Variants in STEAP3 observed in about 807,000 individuals in gnomAD.
STEAP3 encodes the protein metalloreductase STEAP3.
In STEAP3, 35 loss-of-function variants were observed where a neutral mutation model predicts 34.9. The ratio of observed to expected loss-of-function variants is 1.00; its 90% CI spans 0.76 to 1.33. STEAP3 has a LOEUF of 1.33. Ranked by LOEUF, STEAP3 falls within the 40% of genes most tolerant of loss-of-function variation. The pLI is 0.00. For missense variants in STEAP3, 652 were observed against 667.6 expected, an observed-to-expected ratio of 0.98 and a Z score of 0.26; for synonymous variants, 281 against 301.6, an observed-to-expected ratio of 0.93 and a Z score of 0.71.
Position 119,245,584 on chromosome 2 carries a change from A to C in STEAP3, c.118A>C (p.Lys40Gln). The C allele has an allele frequency of 6.2e-7, 1 of 1,606,838 alleles. No individual in the cohort carries two copies. The part of the protein sequence containing the change: ...SLAKVPDEAP[K>Q]VGILGSGDFA... ...TGCCAAGGTCCCCGATGAGGCCCCCAAAGTGGGCATCCTGGGTAGCGGGGA... is the reference window on the plus strand; with the variant it reads ...TGCCAAGGTCCCCGATGAGGCCCCCCAAGTGGGCATCCTGGGTAGCGGGGA... The change falls in exon 3 of 6, where the codon AAA becomes CAA. Residue 40 changes from lysine to glutamine, a missense_variant. Transcript: ENST00000393110.
At chr2:119,249,564 CT>C (rs904850321) in intron 4 of STEAP3, among the ~76,000 whole-genome samples, 7 of 152,252 alleles carry the variant, frequency 4.6e-5, no homozygotes, top group African/African-American at 1.7e-4. Flanking sequence ...CCTGCAGCTC[CT>C]GCTCCTGCTC....
At position 119,247,807 on chromosome 2, in the gene STEAP3, C is replaced by T. The variant is rs1233229191; in HGVS notation, c.651C>T (p.Arg217=). 1.9e-6 allele frequency: 3 copies of T among 1,611,968 alleles called. No individual in the cohort carries two copies. The highest frequency in any genetic ancestry group is 2.5e-6 in the Non-Finnish European group (3 of 1,179,976). ...GGGAGGTGGAGGCCATGCCCCTGCG[C>T]CTCCTCCCGGCCTGGAAGGTGCCCA... ...SAWEVEAMPL[R]LLPAWKVPTL... is the part of the protein sequence containing the mutation. Residue 217 remains arginine (R), a synonymous_variant, in exon 4 of 6, where the codon CGC becomes CGT. Transcript: ENST00000393110.
At chr2:119,242,708 A>T (rs1677284544) in intron 2 of STEAP3, among the ~76,000 whole-genome samples, 3 of 152,122 alleles carry the variant, frequency 2.0e-5, no homozygotes, top group Non-Finnish European at 4.4e-5. Flanking sequence ...CAATTGACTT[A>T]TTTACTCCTA....
intron 5 of STEAP3, among the ~76,000 whole-genome samples, chr2:119,257,179 A>G (rs559454719): frequency 6.6e-6 from 1 of 152,332 alleles, no homozygotes; most frequent in African/African-American, 2.4e-5. Flanking sequence ...TGACAAAGAA[A>G]ACAGTGGAGT....
At chr2:119,254,348 T>C (rs1677712307) in intron 4 of STEAP3, among the ~76,000 whole-genome samples, 1 of 152,062 alleles carries the variant, frequency 6.6e-6, no homozygotes, top group African/African-American at 2.4e-5. Flanking sequence ...GGGGCAGATA[T>C]GTGAAAGCCC....
intron 2 of STEAP3, among the ~76,000 whole-genome samples, chr2:119,239,880 A>G (rs1158176728): frequency 4.6e-5 from 7 of 152,188 alleles, no homozygotes; most frequent in African/African-American, 1.4e-4. Flanking sequence ...TTGCACCTAC[A>G]TTTGTTTACA....
chr2:119,248,533 C>T, intron 4 of STEAP3: 2 of 303,796 alleles, frequency 6.6e-6, no homozygotes, highest in East Asian at 1.4e-4. Flanking sequence ...GGTGGGGGTG[C>T]AGGTTTGAAG....
In STEAP3 at chr2:119,263,831, C is replaced by T; in HGVS notation, c.*493C>T. On this transcript the variant is annotated 3_prime_UTR_variant, in exon 6 of 6. Coordinates refer to ENST00000393110, the MANE Select transcript of STEAP3 (RefSeq NM_182915.3). Reference sequence around the variant, plus strand: ...GGGAAGGCAACGGCTCTGCCCAGAGCCATCCCTGGAGCATGTGAGCAGCGG... The same window carrying T: ...GGGAAGGCAACGGCTCTGCCCAGAGTCATCCCTGGAGCATGTGAGCAGCGG... 4.4e-6 allele frequency: 1 copy of T among 228,564 alleles called. No homozygotes were observed. The highest frequency in any genetic ancestry group is 5.6e-5 in the South Asian group (1 of 17,778). 14.2% of individuals were successfully genotyped at this position (228,564 alleles called of 1,614,324 possible).
chr2:119,243,459 T>C (rs1341095676), intron 2 of STEAP3, among the ~76,000 whole-genome samples: 1 of 152,196 alleles, frequency 6.6e-6, no homozygotes, highest in Non-Finnish European at 1.5e-5. Flanking sequence ...TTATTTGTGC[T>C]GCCTGAAACA....
chr2:119,242,139 T>C (rs1474541783), intron 2 of STEAP3, among the ~76,000 whole-genome samples: 1 of 151,046 alleles, frequency 6.6e-6, no homozygotes, highest in Non-Finnish European at 1.5e-5. Flanking sequence ...TGCTTAGGAG[T>C]GTTCAGCACA....
chr2:119,256,504 ATAGAT>A (rs1373691384), intron 5 of STEAP3, among the ~76,000 whole-genome samples: 13 of 152,274 alleles, frequency 8.5e-5, no homozygotes, highest in African/African-American at 3.1e-4. Flanking sequence ...TTAAGCAGCC[ATAGAT>A]TACATGCCCT....
intron 2 of STEAP3, among the ~76,000 whole-genome samples, chr2:119,231,993 C>A (rs1676955486): frequency 6.6e-6 from 1 of 152,114 alleles, no homozygotes; most frequent in Non-Finnish European, 1.5e-5. Context: ...TTCCTGGACC[C>A]CAGGCCCAGT....
Position 119,239,604 on chromosome 2 carries a change from C to A in STEAP3, c.23-5885C>A, listed in dbSNP as rs78461464. ...TCCTTGCACTCTGGGCTATCTTGGGCCCCGTTTGCTCAATGCAGGCCCCTC... is the reference window on the plus strand; with the variant it reads ...TCCTTGCACTCTGGGCTATCTTGGGACCCGTTTGCTCAATGCAGGCCCCTC... On this transcript the variant is annotated intron_variant, in intron 2 of 5. Coordinates refer to ENST00000393110, the MANE Select transcript of STEAP3 (RefSeq NM_182915.3). Among the ~76,000 whole-genome samples the A allele has an allele frequency of 5.9e-3, 897 of 152,294 alleles. 7 individuals carry two copies. Among genetic ancestry groups the A allele is most frequent in the African/African-American group, 0.021 (853 of 41,562 alleles).
At chr2:119,234,324 G>C (rs1041382537) in intron 2 of STEAP3, among the ~76,000 whole-genome samples, 16 of 152,230 alleles carry the variant, frequency 1.1e-4, no homozygotes, top group African/African-American at 3.6e-4. Flanking sequence ...AGGTCTCCCT[G>C]GAAAGCAAGA....
At chr2:119,232,953 G>A (rs574565365) in intron 2 of STEAP3, among the ~76,000 whole-genome samples, 54 of 152,266 alleles carry the variant, frequency 3.5e-4, no homozygotes, top group African/African-American at 1.2e-3. Context: ...TGCTACTTGC[G>A]GGGAAGGCAC....
intron 5 of STEAP3, among the ~76,000 whole-genome samples, chr2:119,260,557 A>G (rs1009876924): frequency 1.3e-5 from 2 of 152,078 alleles, no homozygotes; most frequent in Non-Finnish European, 2.9e-5. Flanking sequence ...CGGCCTCCCA[A>G]AGTGCTGGGA....
chr2:119,225,554 A>T (rs1679011191), intron 1 of STEAP3, among the ~76,000 whole-genome samples: 1 of 152,206 alleles, frequency 6.6e-6, no homozygotes, highest in Admixed American at 6.5e-5. Flanking sequence ...AAACAGGTAG[A>T]TTCCTCTCCC....
At chr2:119,248,335 G>A in intron 4 of STEAP3, 129 bp downstream of exon 4, 2 of 1,059,854 alleles carry the variant, frequency 1.9e-6, no homozygotes, top group South Asian at 1.7e-5. Flanking sequence ...TGCAGATTCT[G>A]TTCCAATGGG....
intron 5 of STEAP3, 117 bp downstream of exon 5, chr2:119,254,965 C>T: frequency 7.6e-7 from 1 of 1,307,236 alleles, no homozygotes; most frequent in Non-Finnish European, 1.0e-6. Flanking sequence ...AGCAGGACCA[C>T]TCGGTGAGAT....
Sources: gnomAD v4.1 joint callset for allele counts (sites outside exome capture counted in the v4.1 genomes callset) on GRCh38, gnomAD v4.1.1 for gene constraint, MANE v1.5 for transcripts, NCBI Gene and HGNC (gene_info 2026-07-23, HGNC 2026-07-21) for gene names.